The following PRORP variants were observed in gnomAD, a reference collection of about 807,000 sequenced individuals.
PRORP encodes protein only RNase P catalytic subunit.
In PRORP, 51 loss-of-function variants were observed where a neutral mutation model predicts 59.4. That is an observed-to-expected ratio of 0.86 (90% confidence interval 0.69 to 1.08). The LOEUF (loss-of-function observed/expected upper bound fraction) is 1.08, where lower values mean the gene tolerates loss of function less well. PRORP is among the 50% of genes least tolerant of loss of function. The pLI is 0.00. For missense variants in PRORP, 646 were observed against 690.3 expected (o/e 0.94, Z 0.72); for synonymous variants, 231 against 245.6 (o/e 0.94, Z 0.55).
intron 5 of PRORP, among the ~76,000 whole-genome samples, chr14:35,200,607 C>G (rs1010373901): frequency 6.6e-6 from 1 of 151,352 alleles, no homozygotes; most frequent in Admixed American, 6.6e-5. Flanking sequence ...TAAAATAATT[C>G]TTCAGGAATA....
intron 6 of PRORP, among the ~76,000 whole-genome samples, chr14:35,268,041 A>G (rs1201909473): frequency 2.0e-5 from 3 of 152,198 alleles, no homozygotes; most frequent in African/African-American, 7.2e-5. Flanking sequence ...CATGGTAAAC[A>G]TGGTCAGTAA....
chr14:35,134,129 C>A (rs2047317155), intron 4 of PRORP, among the ~76,000 whole-genome samples: 1 of 152,148 alleles, frequency 6.6e-6, no homozygotes, highest in South Asian at 2.1e-4. Context: ...GGAGTAGAGT[C>A]AAAAATCTTA....
At chr14:35,271,540 C>A (rs766500710) in intron 7 of PRORP, among the ~76,000 whole-genome samples, 2 of 152,120 alleles carry the variant, frequency 1.3e-5, no homozygotes, top group African/African-American at 4.8e-5. Context: ...GTTTGTTATA[C>A]TTCTGCTAAG....
chr14:35,240,782 C>A (rs929819923), intron 5 of PRORP, among the ~76,000 whole-genome samples: 2 of 152,146 alleles, frequency 1.3e-5, no homozygotes, highest in Admixed American at 6.5e-5. Flanking sequence ...CTCAATTAGT[C>A]CCTCTGGCCC....
intron 5 of PRORP, among the ~76,000 whole-genome samples, chr14:35,248,076 C>T (rs10134120): frequency 0.094 from 14,251 of 152,096 alleles, 701 homozygotes; most frequent in African/African-American, 0.12. Context: ...TCTCTTCCTC[C>T]GTAGAATTGT....
chr14:35,151,293 G>A (rs1262115401), intron 4 of PRORP, among the ~76,000 whole-genome samples: 1 of 151,910 alleles, frequency 6.6e-6, no homozygotes, highest in Non-Finnish European at 1.5e-5. Flanking sequence ...ATAGAATAAT[G>A]TAAATAAGAT....
At chr14:35,168,498 C>A (rs914216278) in intron 4 of PRORP, among the ~76,000 whole-genome samples, 1 of 152,058 alleles carries the variant, frequency 6.6e-6, no homozygotes, top group Admixed American at 6.6e-5. Flanking sequence ...ACAAGCTTTT[C>A]CTTCCTCTAG....
At chr14:35,190,259 G>A (rs943859382) in intron 5 of PRORP, among the ~76,000 whole-genome samples, 17 of 151,358 alleles carry the variant, frequency 1.1e-4, no homozygotes, top group Admixed American at 8.6e-4. Context: ...TTAGCCGGGC[G>A]TGGTGGTGCA....
rs138407791 is a variant in PRORP, at chr14:35,128,261, T to C, written c.1167+650T>C. Among the ~76,000 whole-genome samples the C allele has an allele frequency of 5.6e-3, 851 of 152,022 alleles. 9 individuals are homozygous for C. The highest frequency in any genetic ancestry group is 0.019 in the African/African-American group (807 of 41,492). On this transcript the variant is annotated intron_variant, in intron 4 of 7. Transcript: ENST00000534898. The stretch of plus-strand genomic sequence containing the variant: ...TTTGCATCAATATTCATCAGAGATA[T>C]TGGCCTGTAGTTTTTTGTTTTTTTT...
intron 5 of PRORP, among the ~76,000 whole-genome samples, chr14:35,247,991 A>G (rs1030909621): frequency 1.3e-5 from 2 of 152,148 alleles, no homozygotes. Flanking sequence ...GTGGGTGCTA[A>G]TGGCATCAGA....
At chr14:35,122,242 A>C, upstream of PRORP, 1 of 445,962 alleles carries the variant, frequency 2.2e-6, no homozygotes, top group Non-Finnish European at 4.2e-6. Flanking sequence ...TTTAAAGGCC[A>C]CGATAAGCCC....
intron 5 of PRORP, among the ~76,000 whole-genome samples, chr14:35,261,496 C>T (rs944565612): frequency 4.6e-5 from 7 of 152,206 alleles, no homozygotes; most frequent in African/African-American, 9.6e-5. Context: ...TTTGGGAGGC[C>T]AAGGCGGGCA....
chr14:35,161,850 C>T (rs145199839), intron 4 of PRORP, among the ~76,000 whole-genome samples: 236 of 152,154 alleles, frequency 1.6e-3, no homozygotes, highest in Non-Finnish European at 2.6e-3. Context: ...AAATTCTTTT[C>T]TATCTGGAAT....
At chr14:35,172,445 C>T (rs1210729973) in intron 4 of PRORP, among the ~76,000 whole-genome samples, 3 of 46,678 alleles carry the variant, frequency 6.4e-5, no homozygotes, top group African/African-American at 1.9e-4. Context: ...TCCTTCCTTC[C>T]TTCCTTCCTT....
intron 4 of PRORP, among the ~76,000 whole-genome samples, chr14:35,167,383 T>C (rs1272750006): frequency 6.6e-6 from 1 of 152,184 alleles, no homozygotes; most frequent in Non-Finnish European, 1.5e-5. Context: ...CTCTTTTTTG[T>C]CTCCAAAGCT....
intron 5 of PRORP, among the ~76,000 whole-genome samples, chr14:35,198,949 C>T (rs1346698225): frequency 6.6e-6 from 1 of 152,140 alleles, no homozygotes; most frequent in Admixed American, 6.5e-5. Context: ...GGTGGATCAC[C>T]TGATGTCAGG....
intron 5 of PRORP, among the ~76,000 whole-genome samples, chr14:35,249,225 C>A (rs2050554449): frequency 6.6e-6 from 1 of 152,116 alleles, no homozygotes; most frequent in African/African-American, 2.4e-5. Context: ...CCACCCAGGA[C>A]AATTAATTCC....
At chr14:35,179,743 A>G (rs1247364768) in intron 4 of PRORP, among the ~76,000 whole-genome samples, 1 of 152,102 alleles carries the variant, frequency 6.6e-6, no homozygotes, top group Non-Finnish European at 1.5e-5. Flanking sequence ...CAACTCATCA[A>G]AGTCATCGCA....
chr14:35,223,116 C>G (rs1398041031), intron 5 of PRORP, among the ~76,000 whole-genome samples: 1 of 152,194 alleles, frequency 6.6e-6, no homozygotes, highest in East Asian at 1.9e-4. Context: ...ACATCACTTA[C>G]AGTTTCCTTC....
Sources: gnomAD v4.1 joint callset for allele counts (sites outside exome capture counted in the v4.1 genomes callset) on GRCh38, gnomAD v4.1.1 for gene constraint, MANE v1.5 for transcripts, NCBI Gene and HGNC (gene_info 2026-07-23, HGNC 2026-07-21) for gene names.